The following ANHX variants were observed in gnomAD, a reference collection of about 807,000 sequenced individuals.
ANHX encodes the protein anomalous homeobox protein.
A neutral mutation model predicts 38.9 loss-of-function variants in ANHX; 20 were observed. The observed-to-expected ratio is 0.51, with a 90% CI of 0.36 to 0.75. The LOEUF (loss-of-function observed/expected upper bound fraction) is 0.75, where lower values mean the gene tolerates loss of function less well. ANHX is among the 30% of genes least tolerant of loss of function. ANHX has a pLI of 0.00. For synonymous variants in ANHX, 185 were observed against 203.1 expected, an observed-to-expected ratio of 0.91 and a Z score of 0.76; for missense variants, 475 against 493.1, an observed-to-expected ratio of 0.96 and a Z score of 0.35.
At chr12:133,223,589 GCAC>G (rs1461398223) in intron 7 of ANHX, among the ~76,000 whole-genome samples, 1 of 151,806 alleles carries the variant, frequency 6.6e-6, no homozygotes, top group Admixed American at 6.6e-5. Flanking sequence ...GGGACAACAG[GCAC>G]CACCACCATG....
rs575071068 is a variant in ANHX at position 133,232,962 on chromosome 12, G to A, written c.249+1146C>T. On this transcript the variant is annotated intron_variant, in intron 2 of 9. Coordinates refer to ENST00000545940, the MANE Select transcript of ANHX (RefSeq NM_001372060.1). ...TACAAACAGAGGCAGGGACAGAAAA[G>A]GGGTAACGGGGGGGCAATACTGGAG... Among the ~76,000 whole-genome samples, 285 of 149,410 alleles carry A rather than the reference G, an allele frequency of 1.9e-3. 1 individual carries two copies. Among genetic ancestry groups the A allele is most frequent in the African/African-American group, 7.1e-3 (274 of 38,756 alleles).
rs891928689 is a variant in ANHX, at chr12:133,226,520, T to G, written c.719-82A>C. 8 of 1,450,980 alleles carry G rather than the reference T, an allele frequency of 5.5e-6. No homozygotes were observed. The African/African-American group carries it at 1.1e-4, about 21-fold the overall frequency. The allele number at this position is 1,450,980 out of a possible 1,614,324, so 89.9% of individuals were successfully genotyped here. The stretch of plus-strand genomic sequence containing the variant: ...TCCCATCAGGTATGAGCAGCCCTGC[T>G]GGCTGGAAAAGGCTGTTGCCATGGG... On this transcript the variant is annotated intron_variant, in intron 5 of 9. Transcript: ENST00000545940.
At chr12:133,233,251 C>A (rs1308477815) in intron 2 of ANHX, among the ~76,000 whole-genome samples, 1 of 152,144 alleles carries the variant, frequency 6.6e-6, no homozygotes, top group Non-Finnish European at 1.5e-5. Context: ...CAGGGGCACA[C>A]TGTGATACCA....
intron 7 of ANHX, among the ~76,000 whole-genome samples, chr12:133,223,255 C>G (rs1242362716): frequency 6.6e-6 from 1 of 150,834 alleles, no homozygotes; most frequent in Non-Finnish European, 1.5e-5. Context: ...TAAGAAATAC[C>G]CAAAACGCAC....
rs1445299330 is a variant in ANHX at position 133,231,624 on chromosome 12, GC to G, written c.269del (p.Gly90AlafsTer5). Reference sequence around the variant, plus strand: ...TCCAGAGCTGCACTAACTCCTGGCTGCCTCCCGGCACCTGGCACCCCTGCCA... The same window carrying G: ...TCCAGAGCTGCACTAACTCCTGGCTGCTCCCGGCACCTGGCACCCCTGCCA... ...RLLEGCQVPG[G>X]SQELVQLWND... On this transcript the variant is annotated frameshift_variant, in exon 3 of 10. Transcript: ENST00000545940. LOFTEE classifies it high-confidence loss of function. The G allele has an allele frequency of 6.5e-7, 1 of 1,536,038 alleles. No individual in the cohort carries two copies.
rs1957103744 is a variant in ANHX at position 133,221,188 on chromosome 12, G to A, written c.1280+17C>T. On this transcript the variant is annotated intron_variant, in intron 8 of 9. Transcript: ENST00000545940. The surrounding 1 kb of genome is among the most constrained non-coding windows in gnomAD (Gnocchi z 4.1). ...TGTGGAAAGGACTGTCCAGGCCTGT[G>A]GCTCTTCAGGGCTTACCTCTGGGTG... 3.9e-6 allele frequency: 6 copies of A among 1,535,782 alleles called. No individual in the cohort carries two copies. The South Asian group carries it at 7.1e-5, about 18-fold the overall frequency.
intron 3 of ANHX, among the ~76,000 whole-genome samples, chr12:133,229,556 C>T (rs1189653396): frequency 6.6e-6 from 1 of 152,126 alleles, no homozygotes; most frequent in East Asian, 1.9e-4. Context: ...CAGCAAACCC[C>T]CCAGCTCCAC....
chr12:133,229,554 C>A (rs1028909890), intron 3 of ANHX, among the ~76,000 whole-genome samples: 3 of 152,092 alleles, frequency 2.0e-5, no homozygotes, highest in Non-Finnish European at 4.4e-5. Context: ...ATCAGCAAAC[C>A]CCCCAGCTCC....
rs1413135340 is a variant in ANHX at position 133,226,445 on chromosome 12, G to C, written c.719-7C>G. The C allele has an allele frequency of 6.5e-7, 1 of 1,532,082 alleles. No individual in the cohort carries two copies. Among genetic ancestry groups the C allele is most frequent in the Admixed American group, 2.0e-5 (1 of 50,672 alleles). 94.9% of individuals were successfully genotyped at this position (1,532,082 alleles called of 1,614,324 possible). A position where few individuals can be genotyped will look rare whatever the true frequency, so the allele number is the denominator to read the frequency against. On this transcript the variant is annotated splice_region_variant and splice_polypyrimidine_tract_variant and intron_variant, in intron 5 of 9. Coordinates refer to ENST00000545940, the MANE Select transcript of ANHX (RefSeq NM_001372060.1). ...CCCTTTTCCTCACGTTCCTCTGAAA[G>C]TGATGAGATGGGAGGGGAGACTTAG...
intron 3 of ANHX, among the ~76,000 whole-genome samples, chr12:133,231,030 C>A (rs565838863): frequency 1.3e-5 from 2 of 152,200 alleles, no homozygotes; most frequent in African/African-American, 4.8e-5. Context: ...ACACTGGCAA[C>A]ATTCTCACCC....
Position 133,221,278 on chromosome 12 carries a change from T to C in ANHX, c.1207A>G (p.Thr403Ala). The change falls in exon 8 of 10, where the codon ACA becomes GCA. Residue 403 changes from threonine to alanine, a missense_variant. Coordinates refer to ENST00000545940, the MANE Select transcript of ANHX (RefSeq NM_001372060.1). This position sits in a 1 kb window ranked among gnomAD's most constrained non-coding sequence, Gnocchi z 4.1. ...EEGLGTSSGRTELRVGSFLVT... is the reference protein window; with the variant it reads ...EEGLGTSSGRAELRVGSFLVT... Reference sequence around the variant, plus strand: ...AGGAAGCTGCCCACCCGTAGCTCTGTCCGTCCACTGCTTGTGCCCAGACCC... The same window carrying C: ...AGGAAGCTGCCCACCCGTAGCTCTGCCCGTCCACTGCTTGTGCCCAGACCC... 3 of 1,536,016 alleles carry C rather than the reference T, an allele frequency of 2.0e-6. No individual in the cohort carries two copies. The highest frequency in any genetic ancestry group is 2.6e-6 in the Non-Finnish European group (3 of 1,146,890).
At chr12:133,226,533 C>A (rs1171127667) in intron 5 of ANHX, 95 bp from the exon 6 acceptor site, 2 of 1,431,672 alleles carry the variant, frequency 1.4e-6, no homozygotes, top group Admixed American at 5.5e-5. Context: ...CTGGAAAAGG[C>A]TGTTGCCATG....
intron 1 of ANHX, 181 bp from the exon 2 acceptor site, chr12:133,234,559 A>G (rs1957336412): frequency 3.0e-6 from 2 of 669,046 alleles, no homozygotes; most frequent in South Asian, 1.9e-5. Context: ...CACCCTCTAG[A>G]ATTTCCTTCT....
At chr12:133,226,190 G>A in intron 6 of ANHX, 128 bp downstream of exon 6, 1 of 1,432,344 alleles carries the variant, frequency 7.0e-7, no homozygotes, top group Non-Finnish European at 9.4e-7. Flanking sequence ...CCCTCTCCCT[G>A]GGGTCTGACC....
intron 7 of ANHX, among the ~76,000 whole-genome samples, chr12:133,224,794 T>A (rs573532411): frequency 2.0e-5 from 3 of 149,904 alleles, no homozygotes; most frequent in South Asian, 2.1e-4. Context: ...TGAAACCCCG[T>A]CTCTACTAAA....
rs147925747 is a variant in ANHX at position 133,219,837 on chromosome 12, T to C, written c.1281-470A>G. 7.2e-3 allele frequency among the ~76,000 whole-genome samples: 1,090 copies of C among 152,264 alleles called. 11 individuals carry two copies. Among genetic ancestry groups the C allele is most frequent in the African/African-American group, 0.024 (1,012 of 41,536 alleles). On this transcript the variant is annotated intron_variant, in intron 8 of 9. Transcript: ENST00000545940. ...ATGTTCACAGCAGCTTTATCTGTGA[T>C]GCCCCCAAATCCCCATCCACAGGAC...
At chr12:133,222,007 C>T (rs896179716) in intron 7 of ANHX, among the ~76,000 whole-genome samples, 3 of 152,076 alleles carry the variant, frequency 2.0e-5, no homozygotes, top group African/African-American at 4.8e-5. Flanking sequence ...ATGGAACAAG[C>T]GGCCTGGGGG....
intron 5 of ANHX, among the ~76,000 whole-genome samples, chr12:133,226,677 C>T (rs1278756297): frequency 6.6e-6 from 1 of 152,196 alleles, no homozygotes; most frequent in Non-Finnish European, 1.5e-5. Flanking sequence ...CTCCTCTGGC[C>T]ACACGATGCC....
At chr12:133,224,662 CAAAAAA>C (rs371166940) in intron 7 of ANHX, among the ~76,000 whole-genome samples, 1 of 76,428 alleles carries the variant, frequency 1.3e-5, no homozygotes, top group African/African-American at 6.1e-5. Context: ...GACTCCATCT[CAAAAAA>C]AAAAAAAAAA....
Sources: gnomAD v4.1 joint callset for allele counts (sites outside exome capture counted in the v4.1 genomes callset) on GRCh38, gnomAD v4.1.1 for gene constraint, Gnocchi (gnomAD v3.1) non-coding constraint, MANE v1.5 for transcripts, NCBI Gene and HGNC (gene_info 2026-07-23, HGNC 2026-07-21) for gene names.